GALNT18: variants seen among roughly 807,000 people sequenced by gnomAD.
The protein encoded by GALNT18 is GalNAc-transferase 18.
A neutral mutation model predicts 69.5 loss-of-function variants in GALNT18; 44 were observed. The ratio of observed to expected loss-of-function variants is 0.63; its 90% confidence interval spans 0.50 to 0.81. The LOEUF (loss-of-function observed/expected upper bound fraction) is 0.81, where lower values mean the gene tolerates loss of function less well. Ranked by LOEUF, GALNT18 falls within the 40% of genes least tolerant of loss-of-function variation. GALNT18 has a pLI of 0.00. For missense variants in GALNT18, 715 were observed against 810.0 expected, an observed-to-expected ratio of 0.88 and a Z score of 1.42; for synonymous variants, 364 against 318.2, an observed-to-expected ratio of 1.14 and a Z score of -1.53.
At chr11:11,588,211 C>T (rs1859272100) in intron 1 of GALNT18, among the ~76,000 whole-genome samples, 1 of 152,152 alleles carries the variant, frequency 6.6e-6, no homozygotes, top group Non-Finnish European at 1.5e-5. Flanking sequence ...TCTTATGGCA[C>T]TAGTCACTTT....
At chr11:11,578,747 G>T (rs190741698) in intron 1 of GALNT18, among the ~76,000 whole-genome samples, 1 of 152,364 alleles carries the variant, frequency 6.6e-6, no homozygotes, top group East Asian at 1.9e-4. Flanking sequence ...CTTGCAGGCT[G>T]CTGCCTTCCT....
rs904826255 is a variant in GALNT18, at chr11:11,591,206, G to C, written c.235+30153C>G. 1.3e-5 allele frequency among the ~76,000 whole-genome samples: 2 copies of C among 150,728 alleles called. No homozygotes were observed. The highest frequency in any genetic ancestry group is 1.5e-5 in the Non-Finnish European group (1 of 67,876). ...TGTGTTAGTTTTTAAGCCTTTTTAAGGCCTTTTTAAGGCTTTGTAAGGCTT... is the reference window on the plus strand; with the variant it reads ...TGTGTTAGTTTTTAAGCCTTTTTAACGCCTTTTTAAGGCTTTGTAAGGCTT... On this transcript the variant is annotated intron_variant, in intron 1 of 10. Transcript: ENST00000227756. The surrounding 1 kb of genome is among the most constrained non-coding windows in gnomAD (Gnocchi z 4.8).
rs1859350875 is a variant in GALNT18 at position 11,591,166 on chromosome 11, G to GTGTGTA, written c.235+30192_235+30193insTACACA. ...TCTGTAGGCCTAGGCTACCGTGTGTGTGTGTGTGTGTGTGTGTGTTAGTTT... is the reference window on the plus strand; with the variant it reads ...TCTGTAGGCCTAGGCTACCGTGTGTGTGTGTATGTGTGTGTGTGTGTGTGTTAGTTT... On this transcript the variant is annotated intron_variant, in intron 1 of 10. Transcript: ENST00000227756. This position sits in a 1 kb window ranked among gnomAD's most constrained non-coding sequence, Gnocchi z 4.8. 6.6e-6 allele frequency among the ~76,000 whole-genome samples: 1 copy of GTGTGTA among 151,700 alleles called. No individual in the cohort carries two copies. The highest frequency in any genetic ancestry group is 1.5e-5 in the Non-Finnish European group (1 of 67,922).
chr11:11,589,621 TACA>T (rs1438115233), intron 1 of GALNT18, among the ~76,000 whole-genome samples: 1 of 152,008 alleles, frequency 6.6e-6, no homozygotes, highest in East Asian at 1.9e-4. Context: ...AGCTGATTTG[TACA>T]ACAAGACTCA....
intron 1 of GALNT18, among the ~76,000 whole-genome samples, chr11:11,483,848 G>A (rs1337502467): frequency 1.3e-5 from 2 of 152,110 alleles, no homozygotes; most frequent in Non-Finnish European, 2.9e-5. Flanking sequence ...ATCCGTGGGC[G>A]AGTTGGTATT....
intron 10 of GALNT18, among the ~76,000 whole-genome samples, chr11:11,284,908 G>GTTTTCTTTTTTTTTTTT (rs1849162050): frequency 1.2e-5 from 1 of 82,822 alleles, no homozygotes; most frequent in African/African-American, 6.1e-5. Flanking sequence ...AGACTTTCGT[G>GTTTTCTTTTTTTTTTTT]TTTTTTTTTT....
intron 1 of GALNT18, among the ~76,000 whole-genome samples, chr11:11,533,592 C>A (rs1043378083): frequency 6.6e-6 from 1 of 152,202 alleles, no homozygotes; most frequent in Non-Finnish European, 1.5e-5. Context: ...CATGGCACCC[C>A]ACTCTCTCCA....
chr11:11,349,220 C>T (rs1192535245), intron 6 of GALNT18, among the ~76,000 whole-genome samples: 1 of 152,136 alleles, frequency 6.6e-6, no homozygotes, highest in South Asian at 2.1e-4. Flanking sequence ...GGTCGACAGT[C>T]TTGTTTCCGG....
At chr11:11,438,512 A>C (rs1194795867) in intron 2 of GALNT18, among the ~76,000 whole-genome samples, 1 of 152,158 alleles carries the variant, frequency 6.6e-6, no homozygotes, top group Admixed American at 6.5e-5. Flanking sequence ...CCTTTCTACA[A>C]TTCCGTACGG....
chr11:11,612,757 C>T lies in GALNT18; in HGVS notation c.235+8602G>A, dbSNP rs565311435. The stretch of plus-strand genomic sequence containing the variant: ...AACTCAGTGCATTTGTAGAATGAAC[C>T]TATTCACGCTAAAGAACTGGCCACA... On this transcript the variant is annotated intron_variant, in intron 1 of 10. Coordinates refer to ENST00000227756, the MANE Select transcript of GALNT18 (RefSeq NM_198516.3). 4.6e-5 allele frequency among the ~76,000 whole-genome samples: 7 copies of T among 152,326 alleles called. No individual in the cohort carries two copies. In the South Asian group the frequency reaches 1.5e-3, roughly 32 times the overall value.
Position 11,602,401 on chromosome 11 carries a change from G to C in GALNT18, c.235+18958C>G, listed in dbSNP as rs1859654106. Among the ~76,000 whole-genome samples the C allele has an allele frequency of 6.6e-6, 1 of 152,210 alleles. No homozygotes were observed. The highest frequency in any genetic ancestry group is 2.1e-4 in the South Asian group (1 of 4,814). On this transcript the variant is annotated intron_variant, in intron 1 of 10. Coordinates refer to ENST00000227756, the MANE Select transcript of GALNT18 (RefSeq NM_198516.3). The surrounding 1 kb of genome is among the most constrained non-coding windows in gnomAD (Gnocchi z 4.7). ...AGAGCTGGGAGACATGAGAAATCCT[G>C]GTGGCCTGGCCCTTCTGGGAGAGAA...
intron 8 of GALNT18, 134 bp from the exon 9 acceptor site, chr11:11,327,315 T>C (rs929853537): frequency 5.9e-6 from 4 of 673,108 alleles, no homozygotes; most frequent in Admixed American, 2.4e-5. Flanking sequence ...TTGAACACTA[T>C]AGAACCAACA....
intron 10 of GALNT18, among the ~76,000 whole-genome samples, chr11:11,290,376 A>AG (rs543596285): frequency 9.2e-5 from 14 of 152,234 alleles, no homozygotes; most frequent in Middle Eastern, 3.4e-3. Flanking sequence ...TCCCTGCCAG[A>AG]GGGGGGCTTT....
In GALNT18 at chr11:11,570,032, G is replaced by GT. The variant is rs1858750299; in HGVS notation, c.235+51326dup. On this transcript the variant is annotated intron_variant, in intron 1 of 10. Coordinates refer to ENST00000227756, the MANE Select transcript of GALNT18 (RefSeq NM_198516.3). ...CTGGGAAAACACACAGAAAGAGCCT[G>GT]TTTCCTCTGCAAGCAGAGACGTGAG... 2.0e-5 allele frequency: 3 copies of GT among 152,208 alleles called. No individual in the cohort carries two copies. In the South Asian group the frequency reaches 6.2e-4, roughly 32 times the overall value. 9.4% of individuals were successfully genotyped at this position (152,208 alleles called of 1,614,324 possible).
intron 1 of GALNT18, among the ~76,000 whole-genome samples, chr11:11,468,816 AGGTGCT>A (rs1464771182): frequency 6.6e-6 from 1 of 152,238 alleles, no homozygotes; most frequent in African/African-American, 2.4e-5. Flanking sequence ...CAGATTCTAC[AGGTGCT>A]GGTGCTGGAG....
At chr11:11,350,593 C>T (rs1850382964) in intron 6 of GALNT18, among the ~76,000 whole-genome samples, 1 of 151,810 alleles carries the variant, frequency 6.6e-6, no homozygotes. Flanking sequence ...CCCTATTGCT[C>T]ACTGACACCT....
At chr11:11,316,909 T>C (rs539691237) in intron 9 of GALNT18, among the ~76,000 whole-genome samples, 1 of 152,350 alleles carries the variant, frequency 6.6e-6, no homozygotes, top group East Asian at 1.9e-4. Flanking sequence ...AGCTGCCTTT[T>C]TGTCTTGTAA....
intron 2 of GALNT18, among the ~76,000 whole-genome samples, chr11:11,434,241 AT>A (rs1855346176): frequency 6.6e-6 from 1 of 152,134 alleles, no homozygotes; most frequent in Non-Finnish European, 1.5e-5. Flanking sequence ...CCAGAGAGGA[AT>A]GGGGGAAAGA....
At chr11:11,334,804 G>A (rs1850081849) in intron 7 of GALNT18, among the ~76,000 whole-genome samples, 1 of 152,152 alleles carries the variant, frequency 6.6e-6, no homozygotes, top group Non-Finnish European at 1.5e-5. Flanking sequence ...TTAAGGTCAG[G>A]AAACTTCCAT....
Sources: gnomAD v4.1 joint callset for allele counts (sites outside exome capture counted in the v4.1 genomes callset) on GRCh38, gnomAD v4.1.1 for gene constraint, Gnocchi (gnomAD v3.1) non-coding constraint, MANE v1.5 for transcripts, NCBI Gene and HGNC (gene_info 2026-07-23, HGNC 2026-07-21) for gene names.